ATP6V1C1: variants seen among roughly 807,000 people sequenced by gnomAD.
ATP6V1C1 encodes the protein ATPase H+ transporting V1 subunit C1, also known as V-type proton ATPase subunit C 1.
Under a neutral mutation model 53.9 loss-of-function variants are expected in ATP6V1C1, and 45 were observed. The observed-to-expected ratio is 0.83, with a 90% CI of 0.66 to 1.07. The LOEUF (loss-of-function observed/expected upper bound fraction) is 1.07. Ranked by LOEUF, ATP6V1C1 falls within the 50% of genes least tolerant of loss-of-function variation. The pLI is 0.00. For synonymous variants in ATP6V1C1, 153 were observed against 155.2 expected (o/e 0.99, Z 0.11); for missense variants, 315 against 440.3 (o/e 0.72, Z 2.55).
chr8:103,063,755 G>A (rs1305262791), intron 10 of ATP6V1C1, among the ~76,000 whole-genome samples: 3 of 152,150 alleles, frequency 2.0e-5, no homozygotes, highest in Non-Finnish European at 4.4e-5. Context: ...CAAAGATGGT[G>A]TTAACTTTCT....
Position 103,071,999 on chromosome 8 carries a change from C to CA in ATP6V1C1, c.*3253dup, listed in dbSNP as rs1253457747. On this transcript the variant is annotated 3_prime_UTR_variant, in exon 13 of 13. Transcript: ENST00000518738. Reference sequence around the variant, plus strand: ...GTTAGATAATGTGTCTAGTTGTTTGCATGCCAATTTCAGTAGCCTCAGTTA... The same window carrying CA: ...GTTAGATAATGTGTCTAGTTGTTTGCAATGCCAATTTCAGTAGCCTCAGTTA... 1 of 152,218 alleles carries CA rather than the reference C, an allele frequency of 6.6e-6. No individual in the cohort carries two copies. Among genetic ancestry groups the CA allele is most frequent in the African/African-American group, 2.4e-5 (1 of 41,460 alleles). The allele number at this position is 152,218 out of a possible 1,614,324, so 9.4% of individuals were successfully genotyped here.
chr8:103,023,350 C>A (rs1279467154), intron 1 of ATP6V1C1, among the ~76,000 whole-genome samples: 2 of 149,926 alleles, frequency 1.3e-5, no homozygotes, highest in Admixed American at 6.6e-5. Context: ...GGGAGACCCG[C>A]TCAGGGGAAC....
chr8:103,022,008 G>C (rs1816605496), intron 1 of ATP6V1C1, among the ~76,000 whole-genome samples: 1 of 152,194 alleles, frequency 6.6e-6, no homozygotes, highest in African/African-American at 2.4e-5. Context: ...GGTGGGATGT[G>C]AACAGTCTAT....
intron 1 of ATP6V1C1, among the ~76,000 whole-genome samples, chr8:103,026,699 G>A (rs1369056026): frequency 6.6e-6 from 1 of 152,102 alleles, no homozygotes; most frequent in Non-Finnish European, 1.5e-5. Context: ...TATAATCCCG[G>A]CTACTCAGGA....
intron 2 of ATP6V1C1, 69 bp from the exon 3 acceptor site, chr8:103,042,271 A>C (rs1189933144): frequency 6.8e-7 from 1 of 1,462,500 alleles, no homozygotes; most frequent in Non-Finnish European, 9.5e-7. Flanking sequence ...CTTTAGGTCA[A>C]GATGAATCAT....
At chr8:103,043,801 G>C (rs921207444) in intron 3 of ATP6V1C1, among the ~76,000 whole-genome samples, 1 of 152,088 alleles carries the variant, frequency 6.6e-6, no homozygotes, top group Admixed American at 6.5e-5. Context: ...TTGAATTGTA[G>C]AAGTTCTTTA....
chr8:103,047,300 G>C (rs1322910326), intron 3 of ATP6V1C1, among the ~76,000 whole-genome samples: 1 of 151,344 alleles, frequency 6.6e-6, no homozygotes, highest in Non-Finnish European at 1.5e-5. Flanking sequence ...CCTCCTGCTT[G>C]AGGGGCCAAG....
chr8:103,062,898 A>G, intron 8 of ATP6V1C1, 57 bp from the exon 9 acceptor site: 1 of 1,503,842 alleles, frequency 6.6e-7, no homozygotes, highest in Non-Finnish European at 9.2e-7. Context: ...TTTTGCCCTT[A>G]ATATGAAAGA....
rs570603223 is a variant in ATP6V1C1 at position 103,066,499 on chromosome 8, A to G, written c.1053+52A>G. 80 of 1,485,148 alleles carry G rather than the reference A, an allele frequency of 5.4e-5. 3 individuals are homozygous for G. In the South Asian group the frequency reaches 1.1e-3, roughly 21 times the overall value. The allele number at this position is 1,485,148 out of a possible 1,614,324, so 92.0% of individuals were successfully genotyped here. A position where few individuals can be genotyped will look rare whatever the true frequency, so the allele number is the denominator to read the frequency against. ...AAGAATTGAAGTGAATTTCAGAAAA[A>G]AAATGATTGAAAGAAGATAGACAGA... On this transcript the variant is annotated intron_variant, in intron 12 of 12. Coordinates refer to ENST00000518738, the MANE Select transcript of ATP6V1C1 (RefSeq NM_001695.5).
chr8:103,028,038 G>A (rs1816728497), intron 1 of ATP6V1C1, among the ~76,000 whole-genome samples: 1 of 152,228 alleles, frequency 6.6e-6, no homozygotes, highest in African/African-American at 2.4e-5. Context: ...GTTACAGTCA[G>A]ATGAGATGTG....
rs1817569451 is a variant in ATP6V1C1 at position 103,070,553 on chromosome 8, CTA to C, written c.*1807_*1808del. The stretch of plus-strand genomic sequence containing the variant: ...GAGTCTTAGTATCTGTAACGTGGCG[CTA>C]CTCTCTCTATCATGGGGGGGCATGT... On this transcript the variant is annotated 3_prime_UTR_variant, in exon 13 of 13. Transcript: ENST00000518738. The C allele has an allele frequency of 6.6e-6, 1 of 152,174 alleles. No individual in the cohort carries two copies. Among genetic ancestry groups the C allele is most frequent in the Admixed American group, 6.5e-5 (1 of 15,274 alleles). The allele number at this position is 152,174 out of a possible 1,614,324, so 9.4% of individuals were successfully genotyped here.
At chr8:103,025,330 T>C (rs11775734) in intron 1 of ATP6V1C1, among the ~76,000 whole-genome samples, 43,837 of 152,078 alleles carry the variant, frequency 0.29, 6,943 homozygotes, top group African/African-American at 0.42. Context: ...GATCTCCACA[T>C]TGGGACAACC....
intron 5 of ATP6V1C1, among the ~76,000 whole-genome samples, chr8:103,051,583 A>G (rs1338797949): frequency 6.6e-6 from 1 of 151,980 alleles, no homozygotes; most frequent in Non-Finnish European, 1.5e-5. Flanking sequence ...TTTAGTTTTG[A>G]TCCTCTGCCT....
At chr8:103,027,875 T>A (rs936302060) in intron 1 of ATP6V1C1, among the ~76,000 whole-genome samples, 16 of 152,126 alleles carry the variant, frequency 1.1e-4, no homozygotes, top group Non-Finnish European at 2.4e-4. Context: ...TGCCTGCTCG[T>A]AAGACCTGCC....
intron 12 of ATP6V1C1, among the ~76,000 whole-genome samples, chr8:103,067,093 T>C (rs755941290): frequency 6.6e-6 from 1 of 151,970 alleles, no homozygotes; most frequent in Non-Finnish European, 1.5e-5. Context: ...TTTTTTGTTG[T>C]TGCTGTTTAA....
intron 8 of ATP6V1C1, among the ~76,000 whole-genome samples, chr8:103,061,280 CT>C (rs1171407542): frequency 1.3e-5 from 2 of 152,022 alleles, no homozygotes; most frequent in Non-Finnish European, 2.9e-5. Context: ...CTGGAGGTGT[CT>C]GCTGGTCATA....
chr8:103,043,664 C>T (rs995195538), intron 3 of ATP6V1C1, among the ~76,000 whole-genome samples: 1 of 151,738 alleles, frequency 6.6e-6, no homozygotes, highest in African/African-American at 2.4e-5. Context: ...TTGTGTTTCC[C>T]TGTTGGCTGA....
chr8:103,062,161 GTTTT>G (rs767825523), intron 8 of ATP6V1C1, among the ~76,000 whole-genome samples: 25 of 70,784 alleles, frequency 3.5e-4, no homozygotes, highest in African/African-American at 1.0e-3. Flanking sequence ...GTTCATCAGG[GTTTT>G]TTTTTTTTTT....
chr8:103,048,906 A>G lies in ATP6V1C1; in HGVS notation c.237A>G (p.Val79=). 5 of 1,613,414 alleles carry G rather than the reference A, an allele frequency of 3.1e-6. No individual in the cohort carries two copies. The highest frequency in any genetic ancestry group is 4.2e-6 in the Non-Finnish European group (5 of 1,179,678). ...VKKVAQYMAD[V]LEDSKDKVQE... ...AAGTAGCTCAATACATGGCTGATGT[A>G]TTGGAAGATAGCAAAGACAAAGTTC... Residue 79 remains valine, a synonymous_variant, in exon 4 of 13, where the codon GTA becomes GTG. Coordinates refer to ENST00000518738, the MANE Select transcript of ATP6V1C1 (RefSeq NM_001695.5).
Sources: gnomAD v4.1 joint callset for allele counts (sites outside exome capture counted in the v4.1 genomes callset) on GRCh38, gnomAD v4.1.1 for gene constraint, MANE v1.5 for transcripts, NCBI Gene and HGNC (gene_info 2026-07-23, HGNC 2026-07-21) for gene names.